TOPAZ1: variants seen among roughly 807,000 people sequenced by gnomAD.
The protein encoded by TOPAZ1 is protein TOPAZ1.
In TOPAZ1, 66 loss-of-function variants were observed where a neutral mutation model predicts 172.2. The observed-to-expected ratio is 0.38, with a 90% CI of 0.31 to 0.47. TOPAZ1 has a LOEUF of 0.47. Ranked by LOEUF, TOPAZ1 falls within the 20% of genes least tolerant of loss-of-function variation. The probability of loss-of-function intolerance (pLI) is 0.99; values close to 1 mark genes in which losing one functional copy is unlikely to be tolerated. For synonymous variants in TOPAZ1, 681 were observed against 683.9 expected, an observed-to-expected ratio of 1.00 and a Z score of 0.07; for missense variants, 1,822 against 1,972.4, an observed-to-expected ratio of 0.92 and a Z score of 1.44.
chr3:44,309,098 A>G (rs969832315), intron 15 of TOPAZ1, among the ~76,000 whole-genome samples: 8 of 152,234 alleles, frequency 5.3e-5, no homozygotes, highest in Admixed American at 5.2e-4. Flanking sequence ...TGCAAAGCCT[A>G]AGCTACTTAC....
At chr3:44,306,182 T>C in intron 14 of TOPAZ1, 144 bp from the exon 15 acceptor site, 1 of 506,810 alleles carries the variant, frequency 2.0e-6, no homozygotes, top group East Asian at 2.9e-5. Context: ...AAAACCATTG[T>C]TGGCTCCTAG....
At position 44,284,966 on chromosome 3, in the gene TOPAZ1, A is replaced by G. The variant is rs1013827763; in HGVS notation, c.3437-2423A>G. Among the ~76,000 whole-genome samples, 9 of 152,230 alleles carry G rather than the reference A, an allele frequency of 5.9e-5. No homozygotes were observed. In the South Asian group the frequency reaches 8.3e-4, roughly 14 times the overall value. ...TGGTAATATACAAAACTATTCCAAT[A>G]TATAAGAATAATGAGTCCAATCAGC... is the stretch of plus-strand genomic sequence containing the variant. On this transcript the variant is annotated intron_variant, in intron 9 of 19. Transcript: ENST00000309765.
At chr3:44,291,705 A>AG (rs1443363604) in intron 12 of TOPAZ1, among the ~76,000 whole-genome samples, 1 of 152,092 alleles carries the variant, frequency 6.6e-6, no homozygotes, top group African/African-American at 2.4e-5. Context: ...TAAAAAAAAA[A>AG]AAAATCAAAG....
At chr3:44,282,173 A>G (rs1487603494) in intron 9 of TOPAZ1, 142 bp downstream of exon 9, 8 of 569,242 alleles carry the variant, frequency 1.4e-5, no homozygotes, top group Non-Finnish European at 2.5e-5. Flanking sequence ...AGGATTGAAA[A>G]TAAATGAGAT....
At chr3:44,251,068 A>G (rs1001714767) in intron 2 of TOPAZ1, among the ~76,000 whole-genome samples, 10 of 152,096 alleles carry the variant, frequency 6.6e-5, no homozygotes, top group African/African-American at 2.2e-4. Flanking sequence ...ATGAGTACTG[A>G]CCACAATTAG....
chr3:44,257,163 T>A (rs1452956829), intron 4 of TOPAZ1, among the ~76,000 whole-genome samples: 1 of 151,752 alleles, frequency 6.6e-6, no homozygotes, highest in Non-Finnish European at 1.5e-5. Flanking sequence ...ACCTTGTCTC[T>A]ACAAAAAAAA....
rs189678791 is a variant in TOPAZ1, at chr3:44,279,692, A to G, written c.3373-2276A>G. On this transcript the variant is annotated intron_variant, in intron 8 of 19. Coordinates refer to ENST00000309765, the MANE Select transcript of TOPAZ1 (RefSeq NM_001145030.2). The stretch of plus-strand genomic sequence containing the variant: ...TTTTCCATCCCTTTACTTTCAATCT[A>G]TATGTGTCTTTACAGGTGAGATGAG... Among the ~76,000 whole-genome samples, 50 of 151,922 alleles carry G rather than the reference A, an allele frequency of 3.3e-4. 2 individuals are homozygous for G. Among genetic ancestry groups the G allele is most frequent in the Admixed American group, 3.1e-3 (47 of 15,250 alleles).
At chr3:44,305,899 T>C (rs375425157) in intron 14 of TOPAZ1, among the ~76,000 whole-genome samples, 2 of 152,328 alleles carry the variant, frequency 1.3e-5, no homozygotes, top group East Asian at 3.9e-4. Context: ...TCACTCAGAT[T>C]GGTAAAACTA....
chr3:44,323,376 A>G, intron 18 of TOPAZ1, 81 bp downstream of exon 18: 1 of 850,734 alleles, frequency 1.2e-6, no homozygotes, highest in Non-Finnish European at 1.7e-6. Context: ...ATAAGATTAG[A>G]TATTTATATG....
intron 14 of TOPAZ1, among the ~76,000 whole-genome samples, chr3:44,305,798 T>G (rs1700330594): frequency 6.6e-6 from 1 of 152,244 alleles, no homozygotes; most frequent in South Asian, 2.1e-4. Flanking sequence ...CTTCTCTTTC[T>G]GAATTTTTCC....
chr3:44,244,632 G>C lies in TOPAZ1; in HGVS notation c.2126G>C (p.Arg709Thr), dbSNP rs751997763. The C allele has an allele frequency of 6.4e-7, 1 of 1,551,360 alleles. No individual in the cohort carries two copies. The highest frequency in any genetic ancestry group is 1.2e-5 in the South Asian group (1 of 83,964). The change falls in exon 2 of 20, where the codon AGA becomes ACA. Residue 709 changes from arginine to threonine, a missense_variant. Transcript: ENST00000309765. ...RKEVNAKSSE[R>T]EAYSPLELLD... The stretch of plus-strand genomic sequence containing the variant: ...GAAGTAAATGCCAAGTCATCAGAGA[G>C]AGAAGCTTACAGTCCTCTAGAACTT...
At position 44,244,166 on chromosome 3, in the gene TOPAZ1, GA is replaced by G; in HGVS notation, c.1663del (p.Thr555GlnfsTer11). 4.5e-6 allele frequency: 7 copies of G among 1,551,180 alleles called. No individual in the cohort carries two copies. The highest frequency in any genetic ancestry group is 6.1e-6 in the Non-Finnish European group (7 of 1,146,744). On this transcript the variant is annotated frameshift_variant, in exon 2 of 20. Coordinates refer to ENST00000309765, the MANE Select transcript of TOPAZ1 (RefSeq NM_001145030.2). LOFTEE classifies it high-confidence loss of function. Reference protein sequence around the residue: ...SKLLLQSSLTETNTESSSKEK... With the variant: ...SKLLLQSSLTXTNTESSSKEK... ...ATTATTATTACAAAGTTCCTTAACA[GA>G]AACAAACACTGAATCTTCAAGTAAA...
intron 16 of TOPAZ1, among the ~76,000 whole-genome samples, chr3:44,310,776 A>G (rs917786377): frequency 6.6e-6 from 1 of 152,212 alleles, no homozygotes; most frequent in African/African-American, 2.4e-5. Context: ...AGTGTGCGTA[A>G]ACTCTATCTT....
chr3:44,291,000 C>G, intron 12 of TOPAZ1, 114 bp downstream of exon 12: 1 of 642,622 alleles, frequency 1.6e-6, no homozygotes, highest in Non-Finnish European at 2.6e-6. Context: ...TAGATAGTGG[C>G]CTGTCATAAA....
At chr3:44,284,327 A>AT (rs2125691839) in intron 9 of TOPAZ1, among the ~76,000 whole-genome samples, 1 of 152,208 alleles carries the variant, frequency 6.6e-6, no homozygotes, top group South Asian at 2.1e-4. Flanking sequence ...GGCTCTATGA[A>AT]TTTGTCTATT....
At chr3:44,306,246 A>G in intron 14 of TOPAZ1, 80 bp from the exon 15 acceptor site, 3 of 898,742 alleles carry the variant, frequency 3.3e-6, no homozygotes, top group South Asian at 3.2e-5. Context: ...TGGTAGTATC[A>G]ATAATTCTGT....
intron 18 of TOPAZ1, among the ~76,000 whole-genome samples, chr3:44,327,052 T>C (rs1700608186): frequency 2.6e-5 from 4 of 152,182 alleles, no homozygotes; most frequent in Admixed American, 2.6e-4. Context: ...GAATCCAAAA[T>C]CTGGAGCCAG....
chr3:44,273,621 C>T (rs546446001), intron 8 of TOPAZ1, among the ~76,000 whole-genome samples: 1 of 152,232 alleles, frequency 6.6e-6, no homozygotes, highest in African/African-American at 2.4e-5. Flanking sequence ...CACTGATGTA[C>T]CACCCCCCAT....
chr3:44,290,907 T>G, intron 12 of TOPAZ1, 21 bp downstream of exon 12: 1 of 1,475,158 alleles, frequency 6.8e-7, no homozygotes, highest in Non-Finnish European at 9.2e-7. Flanking sequence ...TCATTATTAT[T>G]TAAGCCAAAA....
Sources: gnomAD v4.1 joint callset for allele counts (sites outside exome capture counted in the v4.1 genomes callset) on GRCh38, gnomAD v4.1.1 for gene constraint, MANE v1.5 for transcripts, NCBI Gene and HGNC (gene_info 2026-07-23, HGNC 2026-07-21) for gene names.